Variants in DLGAP2 observed in about 807,000 individuals in gnomAD.
DLGAP2 encodes DLG associated protein 2, also known as disks large-associated protein 2.
Under a neutral mutation model 100.3 loss-of-function variants are expected in DLGAP2, and 26 were observed. The ratio of observed to expected loss-of-function variants is 0.26; its 90% CI spans 0.19 to 0.36. The LOEUF (loss-of-function observed/expected upper bound fraction) is 0.36. DLGAP2 is among the 10% of genes least tolerant of loss of function. DLGAP2 has a pLI of 1.00. For missense variants in DLGAP2, 1,858 were observed against 1,453.2 expected (o/e 1.28, Z -4.53); for synonymous variants, 886 against 630.1 (o/e 1.41, Z -6.08).
At chr8:946,477 A>C (rs187103708) in intron 2 of DLGAP2, among the ~76,000 whole-genome samples, 2 of 151,914 alleles carry the variant, frequency 1.3e-5, no homozygotes, top group Admixed American at 6.5e-5. Flanking sequence ...ATTAGCCAGG[A>C]TGGTCTCGAT....
intron 4 of DLGAP2, among the ~76,000 whole-genome samples, chr8:1,523,431 G>A (rs1800678555): frequency 6.6e-6 from 1 of 152,224 alleles, no homozygotes; most frequent in African/African-American, 2.4e-5. Context: ...CGCAGCCCCA[G>A]CCATGCCCCC....
At chr8:1,582,444 A>C (rs868365844) in intron 6 of DLGAP2, among the ~76,000 whole-genome samples, 7 of 152,210 alleles carry the variant, frequency 4.6e-5, no homozygotes, top group Middle Eastern at 3.4e-3. Context: ...AAACAGGAAA[A>C]GACGTTAGCC....
intron 1 of DLGAP2, among the ~76,000 whole-genome samples, chr8:836,251 C>T (rs747085211): frequency 3.9e-5 from 6 of 152,196 alleles, no homozygotes; most frequent in Non-Finnish European, 7.3e-5. Flanking sequence ...CCGCAAGGCT[C>T]GGGCGGGAGA....
intron 2 of DLGAP2, among the ~76,000 whole-genome samples, chr8:976,561 G>A (rs530340195): frequency 1.3e-5 from 2 of 152,272 alleles, no homozygotes; most frequent in East Asian, 1.9e-4. Flanking sequence ...GCAGTGAGGC[G>A]AGATTGCGCC....
chr8:1,246,092 G>T (rs1380965544), intron 2 of DLGAP2, among the ~76,000 whole-genome samples: 1 of 152,142 alleles, frequency 6.6e-6, no homozygotes, highest in Non-Finnish European at 1.5e-5. Flanking sequence ...AAGCCATTTG[G>T]TTTCTAAATA....
chr8:1,109,869 G>A (rs1368399773), intron 2 of DLGAP2, among the ~76,000 whole-genome samples: 21 of 3,712 alleles, frequency 5.7e-3, no homozygotes, highest in Non-Finnish European at 0.013. Context: ...GTGTGCACGG[G>A]TCTGTGAGGT....
intron 1 of DLGAP2, among the ~76,000 whole-genome samples, chr8:754,885 T>C (rs537749471): frequency 6.6e-6 from 1 of 152,300 alleles, no homozygotes; most frequent in African/African-American, 2.4e-5. Context: ...CAGTGTGCTG[T>C]TGTAACCAAG....
At chr8:1,307,763 G>A (rs756686369) in intron 3 of DLGAP2, among the ~76,000 whole-genome samples, 2 of 152,250 alleles carry the variant, frequency 1.3e-5, no homozygotes, top group South Asian at 4.2e-4. Flanking sequence ...AAATTCGCCC[G>A]TCACAAAAGG....
At chr8:760,143 C>G (rs905063033) in intron 1 of DLGAP2, among the ~76,000 whole-genome samples, 1 of 152,186 alleles carries the variant, frequency 6.6e-6, no homozygotes, top group Non-Finnish European at 1.5e-5. Context: ...CCTGGAATTT[C>G]TGTGGCTTCT....
At chr8:946,267 A>AGGTTTTTTTTTTTTTTTTG (rs1563107515) in intron 2 of DLGAP2, among the ~76,000 whole-genome samples, 16 of 147,512 alleles carry the variant, frequency 1.1e-4, no homozygotes, top group African/African-American at 3.8e-4. Context: ...GCTGTTTCTT[A>AGGTTTTTTTTTTTTTTTTG]GGTTTTTTTT....
Position 825,170 on chromosome 8 carries a change from C to A in DLGAP2, c.19-82742C>A, listed in dbSNP as rs76769655. The stretch of plus-strand genomic sequence containing the variant: ...CAAAATGACCCCACAGAACCATCTG[C>A]AGGGTCTCTGCTACCGTACGGCTGT... On this transcript the variant is annotated intron_variant, in intron 1 of 14. Coordinates refer to ENST00000637795, the MANE Select transcript of DLGAP2 (RefSeq NM_001346810.2). Among the ~76,000 whole-genome samples, 556 of 152,296 alleles carry A rather than the reference C, an allele frequency of 3.7e-3. 32 individuals carry two copies. The East Asian group carries it at 0.1, about 27-fold the overall frequency.
At chr8:1,238,574 CGCCGTGTCTAGTTACCTATCACATGGT>C (rs1798717417) in intron 2 of DLGAP2, among the ~76,000 whole-genome samples, 1 of 66,688 alleles carries the variant, frequency 1.5e-5, no homozygotes, top group African/African-American at 6.4e-5. Flanking sequence ...TCTCCCATGG[CGCCGTGTCTAGTTACCTATCACATGGT>C]GCCGTGTCTA....
intron 3 of DLGAP2, among the ~76,000 whole-genome samples, chr8:1,298,881 C>G (rs972361474): frequency 1.3e-5 from 2 of 152,138 alleles, no homozygotes; most frequent in African/African-American, 4.8e-5. Context: ...GGCAATAACA[C>G]AGGCCTGAGG....
At chr8:1,490,733 C>A (rs1369934830) in intron 3 of DLGAP2, among the ~76,000 whole-genome samples, 2 of 152,142 alleles carry the variant, frequency 1.3e-5, no homozygotes, top group African/African-American at 2.4e-5. Context: ...CACACCAGAA[C>A]AAATGAGCAG....
At chr8:1,363,837 A>G (rs1377038553) in intron 3 of DLGAP2, among the ~76,000 whole-genome samples, 2 of 152,074 alleles carry the variant, frequency 1.3e-5, no homozygotes, top group Non-Finnish European at 2.9e-5. Flanking sequence ...TGCCCGTGGC[A>G]GGCCTGGCCT....
intron 3 of DLGAP2, among the ~76,000 whole-genome samples, chr8:1,468,476 A>T (rs540834170): frequency 7.0e-6 from 1 of 143,624 alleles, no homozygotes; most frequent in Admixed American, 6.9e-5. Context: ...TTCACATCGC[A>T]TGGATCCGGG....
chr8:1,077,125 A>T (rs1250816465), intron 2 of DLGAP2, among the ~76,000 whole-genome samples: 6 of 152,084 alleles, frequency 3.9e-5, no homozygotes, highest in Non-Finnish European at 8.8e-5. Context: ...GATAGTCCCG[A>T]TCCCAGCCTT....
At chr8:963,510 A>T (rs144971898) in intron 2 of DLGAP2, among the ~76,000 whole-genome samples, 117 of 152,364 alleles carry the variant, frequency 7.7e-4, no homozygotes, top group African/African-American at 2.7e-3. Context: ...TATGTAAAAT[A>T]TTCATATGGA....
intron 2 of DLGAP2, among the ~76,000 whole-genome samples, chr8:965,088 G>C (rs1451462627): frequency 7.1e-5 from 10 of 141,828 alleles, no homozygotes; most frequent in African/African-American, 2.7e-4. Context: ...ACACGGCAGT[G>C]TTCATCACAC....
Sources: allele counts gnomAD v4.1 joint callset (sites outside exome capture counted in the v4.1 genomes callset), GRCh38; gene constraint gnomAD v4.1.1; transcripts MANE v1.5; gene names NCBI Gene and HGNC (gene_info 2026-07-23, HGNC 2026-07-21).